Variants in KCTD20 observed in about 807,000 individuals in gnomAD.
The protein encoded by KCTD20 is BTB/POZ domain-containing protein KCTD20.
In KCTD20, 30 loss-of-function variants were observed where a neutral mutation model predicts 39.6. That is an observed-to-expected ratio of 0.76 (90% CI 0.57 to 1.03). The LOEUF (loss-of-function observed/expected upper bound fraction) is 1.03. Ranked by LOEUF, KCTD20 falls within the 50% of genes least tolerant of loss-of-function variation. The pLI, the probability that KCTD20 is intolerant of heterozygous loss-of-function variation, is 0.00. For missense variants in KCTD20, 422 were observed against 522.0 expected (o/e 0.81, Z 1.87); for synonymous variants, 162 against 180.6 (o/e 0.90, Z 0.83).
At chr6:36,458,266 G>A (rs1004767673) in intron 1 of KCTD20, among the ~76,000 whole-genome samples, 4 of 151,754 alleles carry the variant, frequency 2.6e-5, no homozygotes, top group Non-Finnish European at 2.9e-5. Context: ...GGCCGGGTGC[G>A]GTGGCTCATG....
chr6:36,454,892 C>T (rs1026905316), intron 1 of KCTD20, among the ~76,000 whole-genome samples: 2 of 151,634 alleles, frequency 1.3e-5, no homozygotes, highest in Non-Finnish European at 2.9e-5. Flanking sequence ...AGGTGATCCG[C>T]CCATCTTGGC....
intron 1 of KCTD20, among the ~76,000 whole-genome samples, chr6:36,467,964 T>G (rs1775810904): frequency 6.6e-6 from 1 of 152,140 alleles, no homozygotes; most frequent in African/African-American, 2.4e-5. Flanking sequence ...CCCCAGTATA[T>G]CTGAATAATA....
chr6:36,470,971 G>A (rs904227927), intron 2 of KCTD20, among the ~76,000 whole-genome samples: 6 of 152,068 alleles, frequency 3.9e-5, no homozygotes, highest in African/African-American at 9.7e-5. Context: ...CCAATGTGGC[G>A]AAACCCCCAT....
chr6:36,457,557 T>C (rs1561945901), intron 1 of KCTD20, among the ~76,000 whole-genome samples: 1 of 151,992 alleles, frequency 6.6e-6, no homozygotes, highest in Non-Finnish European at 1.5e-5. Flanking sequence ...TAAAATAGAA[T>C]TAAAAAATTA....
At chr6:36,465,510 G>T (rs1775724148) in intron 1 of KCTD20, 2 of 124,960 alleles carry the variant, frequency 1.6e-5, no homozygotes, top group African/African-American at 6.1e-5. Flanking sequence ...TTGCAAATAA[G>T]AAAATATATA....
rs1776441694 is a variant in KCTD20 at position 36,486,941 on chromosome 6, C to T, written c.1026C>T (p.Ile342=). The stretch of plus-strand genomic sequence containing the variant: ...GGCCTGGCGGCCGGTCTGAAGTCAT[C>T]TATAATTATGTACAACGCCCCTTCA... ...KRRPGGRSEV[I]YNYVQRPFIQ... The change falls in exon 8 of 8, where the codon ATC becomes ATT. Residue 342 remains isoleucine (I), a synonymous_variant. Coordinates refer to ENST00000373731, the MANE Select transcript of KCTD20 (RefSeq NM_173562.5). 2 of 1,614,158 alleles carry T rather than the reference C, an allele frequency of 1.2e-6. No individual in the cohort carries two copies. Among genetic ancestry groups the T allele is most frequent in the African/African-American group, 2.7e-5 (2 of 75,038 alleles).
Position 36,474,773 on chromosome 6 carries a change from T to C in KCTD20, c.161-16T>C. 6.4e-7 allele frequency: 1 copy of C among 1,554,568 alleles called. No individual in the cohort carries two copies. Among genetic ancestry groups the C allele is most frequent in the Non-Finnish European group, 8.7e-7 (1 of 1,149,618 alleles). ...TTGCTCTCAAGTTGTTTTGGTTTCT[T>C]TGTATGTTCTTTTAGACCTCTCACT... On this transcript the variant is annotated splice_polypyrimidine_tract_variant and intron_variant, in intron 2 of 7. Transcript: ENST00000373731.
At position 36,470,240 on chromosome 6, in the gene KCTD20, TAG is replaced by T; in HGVS notation, c.144_145del (p.Gly49SerfsTer4). The T allele has an allele frequency of 6.2e-7, 1 of 1,611,822 alleles. No individual in the cohort carries two copies. The highest frequency in any genetic ancestry group is 1.7e-4 in the Middle Eastern group (1 of 6,044). On this transcript the variant is annotated frameshift_variant, in exon 2 of 8. Coordinates refer to ENST00000373731, the MANE Select transcript of KCTD20 (RefSeq NM_173562.5). LOFTEE classifies it high-confidence loss of function. ...GGTCCTCATAATCTTACTTATCCTCTAGGTCCCAGGAATGAAGGTACAGTGAT... is the reference window on the plus strand; with the variant it reads ...GGTCCTCATAATCTTACTTATCCTCTGTCCCAGGAATGAAGGTACAGTGAT...
chr6:36,479,252 TCTTC>T, intron 4 of KCTD20, 29 bp downstream of exon 4: 1 of 1,489,614 alleles, frequency 6.7e-7, no homozygotes, highest in Non-Finnish European at 9.3e-7. Flanking sequence ...TGTTACATTC[TCTTC>T]CTCAGGGGCA....
In KCTD20 at chr6:36,490,737, A is replaced by G. The variant is rs1776562818; in HGVS notation, c.*3562A>G. ...GTGGTCCCAGCCACTCAAGAGGCTG[A>G]GACAGGATGATTGCTTGAGCCCAGG... On this transcript the variant is annotated 3_prime_UTR_variant, in exon 8 of 8. Transcript: ENST00000373731. 1 of 152,058 alleles carries G rather than the reference A, an allele frequency of 6.6e-6. No individual in the cohort carries two copies. Among genetic ancestry groups the G allele is most frequent in the Admixed American group, 6.6e-5 (1 of 15,250 alleles). The allele number at this position is 152,058 out of a possible 1,614,324, so 9.4% of individuals were successfully genotyped here. A position where few individuals can be genotyped will look rare whatever the true frequency, so the allele number is the denominator to read the frequency against.
Position 36,489,153 on chromosome 6 carries a change from T to C in KCTD20, c.*1978T>C, listed in dbSNP as rs1350962569. 1.3e-5 allele frequency: 2 copies of C among 152,812 alleles called. No homozygotes were observed. The highest frequency in any genetic ancestry group is 1.9e-4 in the East Asian group (1 of 5,190). 9.5% of individuals were successfully genotyped at this position (152,812 alleles called of 1,614,324 possible). A position where few individuals can be genotyped will look rare whatever the true frequency, so the allele number is the denominator to read the frequency against. Reference sequence around the variant, plus strand: ...ACTTCCATGCCATTACAAAGGAAATTTGAATTACCTAGTGTTTGTATATTC... The same window carrying C: ...ACTTCCATGCCATTACAAAGGAAATCTGAATTACCTAGTGTTTGTATATTC... On this transcript the variant is annotated 3_prime_UTR_variant, in exon 8 of 8. Coordinates refer to ENST00000373731, the MANE Select transcript of KCTD20 (RefSeq NM_173562.5).
intron 1 of KCTD20, chr6:36,450,805 A>G (rs546168891): frequency 2.3e-4 from 35 of 152,362 alleles, no homozygotes; most frequent in South Asian, 6.2e-4. Flanking sequence ...AAGAATGTCA[A>G]ACTATTTTAT....
intron 1 of KCTD20, among the ~76,000 whole-genome samples, chr6:36,454,446 A>G (rs1366017551): frequency 1.3e-5 from 2 of 150,388 alleles, no homozygotes; most frequent in African/African-American, 4.9e-5. Flanking sequence ...GGTTCAAGCA[A>G]TTCTCCTGCC....
In KCTD20 at chr6:36,482,040, T is replaced by C. The variant is rs577737893; in HGVS notation, c.856+281T>C. On this transcript the variant is annotated intron_variant, in intron 6 of 7. Coordinates refer to ENST00000373731, the MANE Select transcript of KCTD20 (RefSeq NM_173562.5). Reference sequence around the variant, plus strand: ...CTTCTCTTAATTCATTTTAAATCCTTTTGAATTGGTAATAAGTCAAAATTC... The same window carrying C: ...CTTCTCTTAATTCATTTTAAATCCTCTTGAATTGGTAATAAGTCAAAATTC... Among the ~76,000 whole-genome samples, 5 of 152,298 alleles carry C rather than the reference T, an allele frequency of 3.3e-5. No individual in the cohort carries two copies. The East Asian group carries it at 7.7e-4, about 24-fold the overall frequency.
intron 6 of KCTD20, among the ~76,000 whole-genome samples, chr6:36,483,271 T>C (rs987698298): frequency 3.4e-5 from 5 of 147,266 alleles, no homozygotes; most frequent in Non-Finnish European, 6.0e-5. Context: ...TTCTTTTTTT[T>C]TTTTTTTTTT....
chr6:36,474,198 A>G (rs1775995665), intron 2 of KCTD20, among the ~76,000 whole-genome samples: 2 of 151,198 alleles, frequency 1.3e-5, no homozygotes, highest in South Asian at 2.1e-4. Flanking sequence ...AGCATTAGCT[A>G]TATCTCCCGA....
intron 1 of KCTD20, among the ~76,000 whole-genome samples, chr6:36,444,712 A>G (rs1774985645): frequency 6.6e-6 from 1 of 152,184 alleles, no homozygotes; most frequent in African/African-American, 2.4e-5. Context: ...TCCTCAAAGC[A>G]CTGTAGTAGG....
chr6:36,458,622 A>G lies in KCTD20; in HGVS notation c.-46-11430A>G, dbSNP rs182345685. Among the ~76,000 whole-genome samples, 36 of 151,168 alleles carry G rather than the reference A, an allele frequency of 2.4e-4. No homozygotes were observed. In the East Asian group the frequency reaches 3.5e-3, roughly 15 times the overall value. On this transcript the variant is annotated intron_variant, in intron 1 of 7. Transcript: ENST00000373731. ...GGTCTTGAACTCCTGGGCTCAAGTG[A>G]TCCTCCTGCCTTGGCCTCCCAAAGT... is the stretch of plus-strand genomic sequence containing the variant.
At chr6:36,444,787 G>A (rs1774988286) in intron 1 of KCTD20, among the ~76,000 whole-genome samples, 1 of 152,152 alleles carries the variant, frequency 6.6e-6, no homozygotes, top group Non-Finnish European at 1.5e-5. Flanking sequence ...TTCCTCCTTT[G>A]AGGCAGAAAT....
Sources: allele counts gnomAD v4.1 joint callset (sites outside exome capture counted in the v4.1 genomes callset), GRCh38; gene constraint gnomAD v4.1.1; transcripts MANE v1.5; gene names NCBI Gene and HGNC (gene_info 2026-07-23, HGNC 2026-07-21).